The following TEKT4 variants were observed in gnomAD, a reference collection of about 807,000 sequenced individuals.
TEKT4 encodes the protein tektin 4, also known as tektin-4.
In TEKT4, 46 loss-of-function variants were observed where a neutral mutation model predicts 46.0. The observed-to-expected ratio is 1.00, with a 90% CI of 0.79 to 1.28. TEKT4 has a LOEUF of 1.28. Among genes scored for constraint, TEKT4 ranks in the 50% most tolerant of loss-of-function variants. TEKT4 has a pLI of 0.00. For missense variants in TEKT4, 790 were observed against 622.9 expected, an observed-to-expected ratio of 1.27 and a Z score of -2.85; for synonymous variants, 325 against 265.8, an observed-to-expected ratio of 1.22 and a Z score of -2.17.
rs186821220 is a variant in TEKT4, at chr2:94,874,031, C to A, written c.636C>A (p.Ile212=). Residue 212 remains isoleucine (I), a synonymous_variant, in exon 3 of 6, where the codon ATC becomes ATA. Transcript: ENST00000295201. ...DWSDKMEAYN[I]DETCGRHHSQ... ...CAGACAAGATGGAGGCCTACAACATCGACGAGACCTGCGGGCGCCACCACA... is the reference window on the plus strand; with the variant it reads ...CAGACAAGATGGAGGCCTACAACATAGACGAGACCTGCGGGCGCCACCACA... The A allele has an allele frequency of 1.5e-5, 25 of 1,613,530 alleles. No homozygotes were observed. Among genetic ancestry groups the A allele is most frequent in the Admixed American group, 1.0e-4 (6 of 60,008 alleles).
Position 94,873,502 on chromosome 2 carries a change from G to A in TEKT4, c.499-18G>A, listed in dbSNP as rs782207541. 6.2e-7 allele frequency: 1 copy of A among 1,611,952 alleles called. No individual in the cohort carries two copies. ...CACCAGGGACTGGCTCTGGTGCTCAGGGCGTCTCCTCCCTCAGGAAGCCGA... is the reference window on the plus strand; with the variant it reads ...CACCAGGGACTGGCTCTGGTGCTCAAGGCGTCTCCTCCCTCAGGAAGCCGA... On this transcript the variant is annotated intron_variant, in intron 1 of 5. Transcript: ENST00000295201.
At chr2:94,873,023 G>T in intron 1 of TEKT4, 1 of 1,289,342 alleles carries the variant, frequency 7.8e-7, no homozygotes, top group South Asian at 1.2e-5. Flanking sequence ...ACAGAGAAAA[G>T]GCTTGTTCCT....
At chr2:94,875,889 C>G in intron 5 of TEKT4, 147 bp downstream of exon 5, 1 of 806,268 alleles carries the variant, frequency 1.2e-6, no homozygotes. Flanking sequence ...ACACAACAAG[C>G]AGGCATGCCT....
At chr2:94,874,735 G>A in intron 3 of TEKT4, 41 bp from the exon 4 acceptor site, 1 of 1,498,568 alleles carries the variant, frequency 6.7e-7, no homozygotes, top group East Asian at 2.5e-5. Flanking sequence ...GCCTTCGGCA[G>A]AGCCTCCCCG....
Position 94,871,852 on chromosome 2 carries a change from G to A in TEKT4, c.273G>A (p.Val91=), listed in dbSNP as rs1553394606. 1 of 1,604,512 alleles carries A rather than the reference G, an allele frequency of 6.2e-7. No homozygotes were observed. Among genetic ancestry groups the A allele is most frequent in the Non-Finnish European group, 8.5e-7 (1 of 1,177,286 alleles). The change falls in exon 1 of 6, where the codon GTG becomes GTA. Residue 91 remains valine, a synonymous_variant. Transcript: ENST00000295201. ...QRTQQDSTRT[V]GERLQDTHSW... Reference sequence around the variant, plus strand: ...CGCAGCAAGACTCCACGCGCACAGTGGGCGAGCGACTGCAGGACACGCACA... The same window carrying A: ...CGCAGCAAGACTCCACGCGCACAGTAGGCGAGCGACTGCAGGACACGCACA...
chr2:94,873,670 C>T (rs1553395414), intron 2 of TEKT4, 80 bp downstream of exon 2: 4 of 1,569,196 alleles, frequency 2.5e-6, no homozygotes, highest in Admixed American at 1.8e-5. Context: ...ACGACAGGAC[C>T]CTGAGACTCA....
chr2:94,871,849 A>G lies in TEKT4; in HGVS notation c.270A>G (p.Thr90=), dbSNP rs146717188. ...AQRTQQDSTR[T]VGERLQDTHS... ...GCACGCAGCAAGACTCCACGCGCAC[A>G]GTGGGCGAGCGACTGCAGGACACGC... Residue 90 remains threonine (T), a synonymous_variant, in exon 1 of 6, where the codon ACA becomes ACG. Coordinates refer to ENST00000295201, the MANE Select transcript of TEKT4 (RefSeq NM_144705.4). The G allele has an allele frequency of 7.5e-6, 12 of 1,605,306 alleles. No homozygotes were observed. The highest frequency in any genetic ancestry group is 1.0e-5 in the Non-Finnish European group (12 of 1,177,360).
chr2:94,874,836 C>G lies in TEKT4; in HGVS notation c.774C>G (p.Arg258=). 1.2e-6 allele frequency: 2 copies of G among 1,606,424 alleles called. No homozygotes were observed. The highest frequency in any genetic ancestry group is 1.7e-6 in the Non-Finnish European group (2 of 1,177,474). ...AGGACAATCTGTGCCGTGCCCAGCG[C>G]GAGCGCCTGGCCTCGGCCAACCTGC... ...FTQDNLCRAQ[R]ERLASANLRV... Residue 258 remains arginine, a synonymous_variant, in exon 4 of 6, where the codon CGC becomes CGG. Transcript: ENST00000295201.
intron 4 of TEKT4, 105 bp downstream of exon 4, chr2:94,875,103 G>C (rs1185378572): frequency 8.2e-7 from 1 of 1,215,624 alleles, no homozygotes; most frequent in African/African-American, 1.5e-5. Context: ...CCAGAAGCAA[G>C]TGTCTCCTCT....
Position 94,871,948 on chromosome 2 carries a change from G to A in TEKT4, c.369G>A (p.Lys123=), listed in dbSNP as rs1285310470. ...AGACCAACTTGCTCCTGGCCCAGAAGCAACGGCTGGAGCGCGCCCTGGACG... is the reference window on the plus strand; with the variant it reads ...AGACCAACTTGCTCCTGGCCCAGAAACAACGGCTGGAGCGCGCCCTGGACG... ...AAETNLLLAQ[K]QRLERALDAT... Residue 123 remains lysine (K), a synonymous_variant, in exon 1 of 6, where the codon AAG becomes AAA. Transcript: ENST00000295201. The A allele has an allele frequency of 4.4e-6, 7 of 1,601,410 alleles. No homozygotes were observed. The highest frequency in any genetic ancestry group is 3.4e-5 in the Admixed American group (2 of 59,474).
chr2:94,875,198 G>A (rs1391116438), intron 4 of TEKT4, among the ~76,000 whole-genome samples, 200 bp downstream of exon 4: 1 of 152,222 alleles, frequency 6.6e-6, no homozygotes, highest in Non-Finnish European at 1.5e-5. Flanking sequence ...GAGCTGTGGG[G>A]AGGATGGAGG....
At chr2:94,874,704 G>A (rs1680751972) in intron 3 of TEKT4, 72 bp from the exon 4 acceptor site, 1 of 1,368,408 alleles carries the variant, frequency 7.3e-7, no homozygotes, top group East Asian at 2.5e-5. Flanking sequence ...GACAGGGCAT[G>A]GGGGCGCAGC....
At chr2:94,872,521 A>C (rs781706455) in intron 1 of TEKT4, 15 of 309,782 alleles carry the variant, frequency 4.8e-5, no homozygotes, top group Non-Finnish European at 9.5e-5. Context: ...ATCTGCACCC[A>C]CAGGTCCCCT....
In TEKT4 at chr2:94,875,732, G is replaced by A. The variant is rs782504062; in HGVS notation, c.1081G>A (p.Ala361Thr). ...CAACATGGAGCTGTGCCGTGACGCA[G>A]CCCAGTTCAGGTGCTGCCTGGGCCT... ...RPNMELCRDA[A>T]QFRLLSEVEE... is the part of the protein sequence containing the mutation. Residue 361 changes from alanine to threonine, a missense_variant, in exon 5 of 6, where the codon GCC becomes ACC. Coordinates refer to ENST00000295201, the MANE Select transcript of TEKT4 (RefSeq NM_144705.4). The A allele has an allele frequency of 8.7e-6, 14 of 1,613,726 alleles. 1 individual carries two copies. Among genetic ancestry groups the A allele is most frequent in the Middle Eastern group, 1.6e-4 (1 of 6,076 alleles).
At chr2:94,875,255 G>A (rs1169070888) in intron 4 of TEKT4, among the ~76,000 whole-genome samples, 2 of 152,198 alleles carry the variant, frequency 1.3e-5, no homozygotes, top group South Asian at 2.1e-4. Context: ...GTCCCCAAGA[G>A]TCCTGGCCTG....
intron 5 of TEKT4, 93 bp downstream of exon 5, chr2:94,875,835 C>T: frequency 7.6e-7 from 1 of 1,316,578 alleles, no homozygotes; most frequent in Non-Finnish European, 1.1e-6. Context: ...CCCGCACACA[C>T]ATCCCCCGCA....
chr2:94,873,720 G>C (rs1200928791), intron 2 of TEKT4, 130 bp downstream of exon 2: 2 of 1,351,832 alleles, frequency 1.5e-6, no homozygotes, highest in Non-Finnish European at 2.0e-6. Flanking sequence ...TGGAGCGCAG[G>C]ACTGGGTGGG....
chr2:94,872,251 G>A, intron 1 of TEKT4, 174 bp downstream of exon 1: 1 of 792,818 alleles, frequency 1.3e-6, no homozygotes, highest in Non-Finnish European at 1.9e-6. Flanking sequence ...AGGCAGCTTT[G>A]CCCCAGAAGA....
chr2:94,873,995 G>A lies in TEKT4; in HGVS notation c.600G>A (p.Glu200=), dbSNP rs1316980044. The part of the protein sequence containing the change: ...RLNREHKETC[E]MDWSDKMEAY... Reference sequence around the variant, plus strand: ...ACCGGGAGCACAAGGAGACCTGCGAGATGGACTGGTCAGACAAGATGGAGG... The same window carrying A: ...ACCGGGAGCACAAGGAGACCTGCGAAATGGACTGGTCAGACAAGATGGAGG... Residue 200 remains glutamate, a synonymous_variant, in exon 3 of 6, where the codon GAG becomes GAA. Coordinates refer to ENST00000295201, the MANE Select transcript of TEKT4 (RefSeq NM_144705.4). 11 of 1,613,766 alleles carry A rather than the reference G, an allele frequency of 6.8e-6. No homozygotes were observed. Among genetic ancestry groups the A allele is most frequent in the Non-Finnish European group, 9.3e-6 (11 of 1,179,986 alleles).
Sources: allele counts gnomAD v4.1 joint callset (sites outside exome capture counted in the v4.1 genomes callset), GRCh38; gene constraint gnomAD v4.1.1; transcripts MANE v1.5; gene names NCBI Gene and HGNC (gene_info 2026-07-23, HGNC 2026-07-21).